Variants in CCDC110 observed in about 807,000 individuals in gnomAD.
CCDC110 encodes the protein coiled-coil domain-containing protein 110.
CCDC110 carries 70 observed loss-of-function variants against 77.1 expected under a neutral mutation model. The ratio of observed to expected loss-of-function variants is 0.91; its 90% CI spans 0.75 to 1.11. CCDC110 has a LOEUF of 1.11. Among genes scored for constraint, CCDC110 ranks in the 50% least tolerant of loss-of-function variants. The probability of loss-of-function intolerance (pLI) is 0.00; values close to 1 mark genes in which losing one functional copy is unlikely to be tolerated. For synonymous variants in CCDC110, 295 were observed against 312.5 expected (o/e 0.94, Z 0.59); for missense variants, 868 against 942.9 (o/e 0.92, Z 1.04).
chr4:185,470,886 G>A (rs1047071270), intron 2 of CCDC110, 59 bp downstream of exon 2: 107 of 1,246,554 alleles, frequency 8.6e-5, no homozygotes, highest in Middle Eastern at 1.8e-4. Flanking sequence ...AGGTGGCACA[G>A]GCCAGATGCT....
At chr4:185,456,662 A>G (rs1157522716) in intron 6 of CCDC110, among the ~76,000 whole-genome samples, 1 of 152,178 alleles carries the variant, frequency 6.6e-6, no homozygotes, top group Non-Finnish European at 1.5e-5. Flanking sequence ...GAAATGTACA[A>G]ATTCCTCAGA....
intron 6 of CCDC110, among the ~76,000 whole-genome samples, chr4:185,451,349 G>T (rs989364229): frequency 6.6e-6 from 1 of 152,206 alleles, no homozygotes; most frequent in Non-Finnish European, 1.5e-5. Context: ...AAATGAGTTT[G>T]TAGAAGGCTA....
chr4:185,458,408 G>C lies in CCDC110; in HGVS notation c.2179C>G (p.Gln727Glu). ...ILKEELKKHS[Q>E]ENIKFENSIS... Reference sequence around the variant, plus strand: ...CTGTTTTCAAATTTTATATTTTCTTGACTATGTTTCTTTAGTTCTTCTTTT... The same window carrying C: ...CTGTTTTCAAATTTTATATTTTCTTCACTATGTTTCTTTAGTTCTTCTTTT... Residue 727 changes from glutamine (Q) to glutamate (E), a missense_variant, in exon 6 of 7, where the codon CAA becomes GAA. By Grantham distance (29) the Gln-to-Glu change is conservative (BLOSUM62 2). Coordinates refer to ENST00000307588, the MANE Select transcript of CCDC110 (RefSeq NM_152775.4). 2 of 1,593,948 alleles carry C rather than the reference G, an allele frequency of 1.3e-6. No individual in the cohort carries two copies. Among genetic ancestry groups the C allele is most frequent in the South Asian group, 1.2e-5 (1 of 86,538 alleles).
rs999587580 is a variant in CCDC110, at chr4:185,460,849, C to T, written c.348+200G>A. On this transcript the variant is annotated intron_variant, in intron 5 of 6. Coordinates refer to ENST00000307588, the MANE Select transcript of CCDC110 (RefSeq NM_152775.4). The stretch of plus-strand genomic sequence containing the variant: ...CTAAGTCAAATGTCCCTCACAGACT[C>T]TTAAGAGAAATGGGAAAACTGCAAA... 1.4e-5 allele frequency: 7 copies of T among 512,920 alleles called. 2 individuals carry two copies. The highest frequency in any genetic ancestry group is 2.7e-5 in the Admixed American group (1 of 36,908). 31.8% of individuals were successfully genotyped at this position (512,920 alleles called of 1,614,324 possible).
At chr4:185,461,759 C>T (rs1364811358) in intron 4 of CCDC110, among the ~76,000 whole-genome samples, 3 of 152,178 alleles carry the variant, frequency 2.0e-5, no homozygotes, top group Non-Finnish European at 4.4e-5. Context: ...GTGACCCAGT[C>T]GGGATCCATC....
chr4:185,451,442 A>G (rs2153318201), intron 6 of CCDC110, among the ~76,000 whole-genome samples: 1 of 152,300 alleles, frequency 6.6e-6, no homozygotes, highest in South Asian at 2.1e-4. Context: ...CTTTTGAAGG[A>G]GGAGTGCAGA....
intron 6 of CCDC110, among the ~76,000 whole-genome samples, chr4:185,447,695 G>A (rs962348155): frequency 6.6e-6 from 1 of 152,078 alleles, no homozygotes; most frequent in Non-Finnish European, 1.5e-5. Context: ...TCTTTCCTAT[G>A]AATTCAATTT....
Position 185,461,121 on chromosome 4 carries a change from A to G in CCDC110, c.276T>C (p.Ile92=). The change falls in exon 5 of 7, where the codon ATT becomes ATC. Residue 92 remains isoleucine (I), a synonymous_variant. Transcript: ENST00000307588. ...SEISEILNKS[I]IEVENPQFSS... The stretch of plus-strand genomic sequence containing the variant: ...TAAATTGTGGGTTTTCTACTTCAAT[A>G]ATACTTTTGTTCAATATTTCACTGA... 1 of 1,595,040 alleles carries G rather than the reference A, an allele frequency of 6.3e-7. No individual in the cohort carries two copies. The highest frequency in any genetic ancestry group is 8.5e-7 in the Non-Finnish European group (1 of 1,170,960).
intron 6 of CCDC110, among the ~76,000 whole-genome samples, chr4:185,453,870 A>G (rs1336247273): frequency 2.0e-5 from 3 of 148,992 alleles, no homozygotes; most frequent in South Asian, 2.1e-4. Context: ...CTGGAGTGCA[A>G]TGGTGTGATC....
intron 6 of CCDC110, among the ~76,000 whole-genome samples, chr4:185,453,426 AAT>A (rs1259020823): frequency 3.3e-5 from 5 of 152,150 alleles, no homozygotes; most frequent in African/African-American, 9.7e-5. Flanking sequence ...ATTCCATATT[AAT>A]ATGTTTTCAA....
In CCDC110 at chr4:185,458,211, T is replaced by C; in HGVS notation, c.2376A>G (p.Ser792=). The stretch of plus-strand genomic sequence containing the variant: ...TGTCAAAATGGAATTTCTCTCTTCT[T>C]GAAATGTAAGTTGTTTTTGAAGGGT... ...HNDPSKTTYI[S]RREKFHFDNY... Residue 792 remains serine, a synonymous_variant, in exon 6 of 7, where the codon TCA becomes TCG. Coordinates refer to ENST00000307588, the MANE Select transcript of CCDC110 (RefSeq NM_152775.4). The C allele has an allele frequency of 6.2e-7, 1 of 1,607,104 alleles. No individual in the cohort carries two copies. Among genetic ancestry groups the C allele is most frequent in the Non-Finnish European group, 8.5e-7 (1 of 1,178,144 alleles).
At chr4:185,450,575 T>G (rs929072533) in intron 6 of CCDC110, among the ~76,000 whole-genome samples, 1 of 152,030 alleles carries the variant, frequency 6.6e-6, no homozygotes, top group Non-Finnish European at 1.5e-5. Flanking sequence ...AGTGAAACCC[T>G]GTCTCTACTA....
Position 185,445,263 on chromosome 4 carries a change from C to T in CCDC110, c.*239G>A, listed in dbSNP as rs2095607072. 1.2e-6 allele frequency: 1 copy of T among 826,888 alleles called. No homozygotes were observed. The highest frequency in any genetic ancestry group is 1.7e-5 in the African/African-American group (1 of 58,110). 51.2% of individuals were successfully genotyped at this position (826,888 alleles called of 1,614,324 possible). A position where few individuals can be genotyped will look rare whatever the true frequency, so the allele number is the denominator to read the frequency against. Reference sequence around the variant, plus strand: ...ATGTGGGTGACTTTAGACATCTCAGCTCCTTCCATGTACAGGTACCTGCCC... The same window carrying T: ...ATGTGGGTGACTTTAGACATCTCAGTTCCTTCCATGTACAGGTACCTGCCC... On this transcript the variant is annotated 3_prime_UTR_variant, in exon 7 of 7. Transcript: ENST00000307588.
Position 185,468,003 on chromosome 4 carries a change from AG to A in CCDC110, c.115+2941del, listed in dbSNP as rs1476125181. 6.6e-6 allele frequency among the ~76,000 whole-genome samples: 1 copy of A among 152,196 alleles called. No individual in the cohort carries two copies. The highest frequency in any genetic ancestry group is 1.5e-5 in the Non-Finnish European group (1 of 68,040). On this transcript the variant is annotated intron_variant, in intron 2 of 6. Coordinates refer to ENST00000307588, the MANE Select transcript of CCDC110 (RefSeq NM_152775.4). The surrounding 1 kb of genome is among the most constrained non-coding windows in gnomAD (Gnocchi z 4.5). ...AGGCTGGTCTCAAACTCCTGACCTC[AG>A]GTGATCCTCCTGCCTCGGTCTCCCA... is the stretch of plus-strand genomic sequence containing the variant.
chr4:185,449,545 G>T, intron 6 of CCDC110: 1 of 1,147,842 alleles, frequency 8.7e-7, no homozygotes, highest in Non-Finnish European at 1.2e-6. Context: ...GAATGTACAG[G>T]TATTTGACTT....
chr4:185,462,784 T>A, intron 3 of CCDC110, 76 bp from the exon 4 acceptor site: 1 of 1,319,274 alleles, frequency 7.6e-7, no homozygotes, highest in Admixed American at 1.7e-5. Context: ...TGATTTTATG[T>A]CTCCCAAAGT....
At position 185,458,270 on chromosome 4, in the gene CCDC110, T is replaced by G. The variant is rs1265255916; in HGVS notation, c.2317A>C (p.Ser773Arg). ...EMRHLQREYL[S>R]LSDKICNQHN... ...TGATTACAAATTTTATCACTTAAAC[T>G]TAAATATTCTCGTTGAAGATGCCGC... Residue 773 changes from serine (S) to arginine (R), a missense_variant, in exon 6 of 7, where the codon AGT becomes CGT. Ser to Arg is a moderately radical substitution (Grantham distance 110, BLOSUM62 -1). Coordinates refer to ENST00000307588, the MANE Select transcript of CCDC110 (RefSeq NM_152775.4). 6.2e-7 allele frequency: 1 copy of G among 1,600,414 alleles called. No homozygotes were observed. Among genetic ancestry groups the G allele is most frequent in the Non-Finnish European group, 8.5e-7 (1 of 1,176,570 alleles).
In CCDC110 at chr4:185,461,168, G is replaced by A. The variant is rs778890390; in HGVS notation, c.238-9C>T. 7.5e-7 allele frequency: 1 copy of A among 1,342,252 alleles called. No individual in the cohort carries two copies. The highest frequency in any genetic ancestry group is 1.0e-6 in the Non-Finnish European group (1 of 956,914). The allele number at this position is 1,342,252 out of a possible 1,614,324, so 83.1% of individuals were successfully genotyped here. ...CTGATTTCCGACTGTACCTTTAAAA[G>A]ATAAATTGAGAAAAATTTGATTTCA... is the stretch of plus-strand genomic sequence containing the variant. On this transcript the variant is annotated splice_polypyrimidine_tract_variant and intron_variant, in intron 4 of 6. Coordinates refer to ENST00000307588, the MANE Select transcript of CCDC110 (RefSeq NM_152775.4).
At chr4:185,447,298 C>T (rs1023529644) in intron 6 of CCDC110, among the ~76,000 whole-genome samples, 1 of 151,952 alleles carries the variant, frequency 6.6e-6, no homozygotes, top group Admixed American at 6.6e-5. Flanking sequence ...TCTCCTGCCT[C>T]AGCCTCCCGA....
Sources: allele counts gnomAD v4.1 joint callset (sites outside exome capture counted in the v4.1 genomes callset), GRCh38; gene constraint gnomAD v4.1.1; non-coding constraint Gnocchi (gnomAD v3.1); transcripts MANE v1.5; gene names NCBI Gene and HGNC (gene_info 2026-07-23, HGNC 2026-07-21).